The following P4HA1 variants were observed in gnomAD, a reference collection of about 807,000 sequenced individuals.
The protein encoded by P4HA1 is prolyl 4-hydroxylase subunit alpha-1.
Under a neutral mutation model 72.8 loss-of-function variants are expected in P4HA1, and 24 were observed. That is an observed-to-expected ratio of 0.33 (90% CI 0.24 to 0.46). The LOEUF is 0.46. P4HA1 is among the 20% of genes least tolerant of loss of function. The probability of loss-of-function intolerance (pLI) is 1.00; values close to 1 mark genes in which losing one functional copy is unlikely to be tolerated. For missense variants in P4HA1, 446 were observed against 640.6 expected (o/e 0.70, Z 3.28); for synonymous variants, 201 against 218.8 (o/e 0.92, Z 0.72).
At chr10:73,081,649 A>G (rs1841825708) in intron 1 of P4HA1, among the ~76,000 whole-genome samples, 1 of 152,228 alleles carries the variant, frequency 6.6e-6, no homozygotes, top group African/African-American at 2.4e-5. Context: ...GTTCTACCAT[A>G]TAGTAAATAC....
At chr10:73,043,076 T>G (rs1840774311) in intron 9 of P4HA1, among the ~76,000 whole-genome samples, 1 of 152,180 alleles carries the variant, frequency 6.6e-6, no homozygotes, top group Non-Finnish European at 1.5e-5. Flanking sequence ...ATAAAAAGGC[T>G]GTGTTAAAGA....
chr10:73,024,036 TAATG>T (rs1314649069), intron 10 of P4HA1, among the ~76,000 whole-genome samples: 16 of 152,234 alleles, frequency 1.1e-4, no homozygotes, highest in African/African-American at 3.9e-4. Flanking sequence ...CACACAATAA[TAATG>T]AGAGACTTTA....
intron 1 of P4HA1, among the ~76,000 whole-genome samples, chr10:73,093,964 A>C (rs942224846): frequency 6.9e-6 from 1 of 144,340 alleles, no homozygotes; most frequent in Non-Finnish European, 1.5e-5. Context: ...ATATATTCAT[A>C]TATTTATACA....
At chr10:73,033,748 TA>T (rs752806140) in intron 9 of P4HA1, among the ~76,000 whole-genome samples, 4 of 152,206 alleles carry the variant, frequency 2.6e-5, no homozygotes, top group Non-Finnish European at 1.5e-5. Flanking sequence ...ATCAAAGACC[TA>T]AATGTAAAAG....
intron 7 of P4HA1, among the ~76,000 whole-genome samples, chr10:73,048,066 A>G (rs1461951699): frequency 6.6e-6 from 1 of 152,062 alleles, no homozygotes; most frequent in African/African-American, 2.4e-5. Flanking sequence ...AAACAAAACA[A>G]AACAAAAACA....
intron 4 of P4HA1, 21 bp from the exon 5 acceptor site, chr10:73,069,004 G>GAA (rs746315551): frequency 7.2e-6 from 11 of 1,529,884 alleles, no homozygotes; most frequent in South Asian, 2.4e-5. Context: ...ATAAATCAAA[G>GAA]AAAAAAAAAC....
chr10:73,023,098 C>A (rs945642824), intron 10 of P4HA1, among the ~76,000 whole-genome samples: 5 of 152,034 alleles, frequency 3.3e-5, no homozygotes, highest in Non-Finnish European at 7.4e-5. Flanking sequence ...GGAGAATTTC[C>A]CCAACCTAGC....
chr10:73,048,305 C>T (rs1207185623), intron 7 of P4HA1, among the ~76,000 whole-genome samples: 1 of 152,062 alleles, frequency 6.6e-6, no homozygotes, highest in African/African-American at 2.4e-5. Context: ...GCTCTGTTAC[C>T]CAGGCTGCAC....
At chr10:73,077,386 T>G (rs1206096929) in intron 1 of P4HA1, among the ~76,000 whole-genome samples, 2 of 152,248 alleles carry the variant, frequency 1.3e-5, no homozygotes, top group African/African-American at 4.8e-5. Flanking sequence ...AAAGTTTTTT[T>G]GTCATCTTTC....
chr10:73,021,379 C>T (rs193103406), intron 10 of P4HA1, among the ~76,000 whole-genome samples: 1 of 152,294 alleles, frequency 6.6e-6, no homozygotes, highest in East Asian at 1.9e-4. Flanking sequence ...ATGTTTATTG[C>T]AGGACTATTC....
At chr10:73,096,131 G>A (rs1395972862) in intron 1 of P4HA1, among the ~76,000 whole-genome samples, 2 of 152,184 alleles carry the variant, frequency 1.3e-5, no homozygotes, top group Non-Finnish European at 2.9e-5. Flanking sequence ...CTACTTCCTC[G>A]GCGCTACGAG....
At chr10:73,018,465 G>C (rs1840060134) in intron 10 of P4HA1, among the ~76,000 whole-genome samples, 1 of 152,184 alleles carries the variant, frequency 6.6e-6, no homozygotes, top group Non-Finnish European at 1.5e-5. Context: ...TTTCTAGGGA[G>C]TGAAGTCATT....
At chr10:73,011,290 T>G (rs1488309588) in intron 12 of P4HA1, among the ~76,000 whole-genome samples, 1 of 152,110 alleles carries the variant, frequency 6.6e-6, no homozygotes, top group Non-Finnish European at 1.5e-5. Context: ...GGGATATAAT[T>G]TGAGATAGGA....
chr10:73,043,787 A>T, intron 9 of P4HA1: 2 of 858,094 alleles, frequency 2.3e-6, no homozygotes, highest in Non-Finnish European at 3.9e-6. Context: ...ATGCCTAACC[A>T]CCTAGGTCTT....
intron 9 of P4HA1, among the ~76,000 whole-genome samples, chr10:73,042,979 T>C (rs1430790715): frequency 6.6e-6 from 1 of 152,232 alleles, no homozygotes; most frequent in South Asian, 2.1e-4. Context: ...CTTTTATTTA[T>C]CACATTATAC....
chr10:73,046,861 T>A (rs1840877577), intron 8 of P4HA1, 64 bp downstream of exon 8: 1 of 1,241,104 alleles, frequency 8.1e-7, no homozygotes, highest in Non-Finnish European at 1.1e-6. Flanking sequence ...TCCTATTTTT[T>A]TACAAAGAAA....
chr10:73,056,887 T>C (rs111840841), intron 5 of P4HA1, among the ~76,000 whole-genome samples: 8,007 of 148,056 alleles, frequency 0.054, 662 homozygotes, highest in African/African-American at 0.18. Flanking sequence ...GGTGAAAGCC[T>C]GTCTCTACTA....
chr10:73,057,837 G>A (rs11000506), intron 5 of P4HA1, among the ~76,000 whole-genome samples: 2,920 of 151,764 alleles, frequency 0.019, 49 homozygotes, highest in East Asian at 0.067. Flanking sequence ...GGCTCACACC[G>A]GTAATTTGAG....
At chr10:73,023,936 C>T (rs1450978645) in intron 10 of P4HA1, among the ~76,000 whole-genome samples, 1 of 152,062 alleles carries the variant, frequency 6.6e-6, no homozygotes, top group Non-Finnish European at 1.5e-5. Flanking sequence ...ACAAGAAGTG[C>T]TAACTATTCT....
Sources: gnomAD v4.1 joint callset for allele counts (sites outside exome capture counted in the v4.1 genomes callset) on GRCh38, gnomAD v4.1.1 for gene constraint, MANE v1.5 for transcripts, NCBI Gene and HGNC (gene_info 2026-07-23, HGNC 2026-07-21) for gene names.